Variants in AGR3 observed in about 807,000 individuals in gnomAD.
AGR3 encodes the protein anterior gradient protein 3.
In AGR3, 37 loss-of-function variants were observed where a neutral mutation model predicts 24.5. That is an observed-to-expected ratio of 1.51 (90% CI 1.16 to 1.99). AGR3 has a LOEUF of 1.99. Among genes scored for constraint, AGR3 ranks in the 30% most tolerant of loss-of-function variants. The pLI, the probability that AGR3 is intolerant of heterozygous loss-of-function variation, is 0.00. For synonymous variants in AGR3, 75 were observed against 61.6 expected (o/e 1.22, Z -1.02); for missense variants, 228 against 191.1 (o/e 1.19, Z -1.14).
intron 1 of AGR3, among the ~76,000 whole-genome samples, chr7:16,881,101 G>A (rs1489132143): frequency 6.6e-6 from 1 of 152,156 alleles, no homozygotes; most frequent in Non-Finnish European, 1.5e-5. Flanking sequence ...TCTTTAGAAA[G>A]ATTTTTCTAT....
At chr7:16,881,434 G>A (rs989512603) in intron 1 of AGR3, among the ~76,000 whole-genome samples, 1 of 152,160 alleles carries the variant, frequency 6.6e-6, no homozygotes, top group East Asian at 1.9e-4. Context: ...GGGTCCTTTA[G>A]TATCAGTTGC....
chr7:16,874,700 G>A (rs561615112), intron 2 of AGR3, among the ~76,000 whole-genome samples: 1 of 152,138 alleles, frequency 6.6e-6, no homozygotes, highest in South Asian at 2.1e-4. Context: ...TTAATATCAT[G>A]GTAAATATGA....
chr7:16,869,519 G>C (rs1781824069), intron 3 of AGR3, among the ~76,000 whole-genome samples: 1 of 152,022 alleles, frequency 6.6e-6, no homozygotes, highest in African/African-American at 2.4e-5. Context: ...CTTGAGCTTA[G>C]GAGTTTGAGA....
chr7:16,879,972 C>G (rs146838544), intron 1 of AGR3, among the ~76,000 whole-genome samples: 7 of 152,042 alleles, frequency 4.6e-5, no homozygotes, highest in African/African-American at 1.7e-4. Context: ...TGCAGCCCCT[C>G]TATGGACTGA....
chr7:16,856,331 A>G (rs1373265563), downstream of AGR3, among the ~76,000 whole-genome samples: 2 of 152,216 alleles, frequency 1.3e-5, no homozygotes, highest in African/African-American at 4.8e-5. Flanking sequence ...ATTTTAGGAA[A>G]ACAAATGGGA....
chr7:16,872,568 T>C (rs904300204), intron 3 of AGR3, among the ~76,000 whole-genome samples: 1 of 152,080 alleles, frequency 6.6e-6, no homozygotes, highest in Non-Finnish European at 1.5e-5. Context: ...ATGGGTAAGA[T>C]TTCAAAAGCA....
At chr7:16,858,327 C>T (rs1434598551), downstream of AGR3, among the ~76,000 whole-genome samples, 2 of 152,000 alleles carry the variant, frequency 1.3e-5, no homozygotes, top group Non-Finnish European at 2.9e-5. Context: ...ATAATTACTC[C>T]CAGCTGATTT....
intron 3 of AGR3, among the ~76,000 whole-genome samples, chr7:16,872,734 G>A (rs954701925): frequency 7.9e-5 from 12 of 151,978 alleles, no homozygotes; most frequent in Non-Finnish European, 1.3e-4. Context: ...GAATATACAA[G>A]GAACTCAAAC....
intron 7 of AGR3, 28 bp downstream of exon 7, chr7:16,860,472 C>A (rs754180445): frequency 6.5e-7 from 1 of 1,546,156 alleles, no homozygotes; most frequent in Non-Finnish European, 8.9e-7. Context: ...GCTATGACCA[C>A]TGTTTGAGAT....
intron 3 of AGR3, chr7:16,864,369 C>G (rs1781708232): frequency 1.5e-6 from 2 of 1,316,480 alleles, no homozygotes; most frequent in African/African-American, 2.9e-5. Context: ...TGGCACTATT[C>G]TGACTCAGAG....
chr7:16,863,379 C>T (rs1370244815), intron 3 of AGR3, among the ~76,000 whole-genome samples: 1 of 152,120 alleles, frequency 6.6e-6, no homozygotes, highest in Non-Finnish European at 1.5e-5. Flanking sequence ...TCCTTTCATT[C>T]TTGCACGTTG....
chr7:16,877,199 G>T (rs995781630), intron 2 of AGR3, among the ~76,000 whole-genome samples: 11 of 147,544 alleles, frequency 7.5e-5, no homozygotes, highest in African/African-American at 2.7e-4. Context: ...TTTAGAATTT[G>T]AAATTATATA....
downstream of AGR3, among the ~76,000 whole-genome samples, chr7:16,856,462 C>T (rs796481384): frequency 3.3e-5 from 5 of 152,214 alleles, no homozygotes; most frequent in African/African-American, 1.2e-4. Flanking sequence ...ATAACCAATA[C>T]ATTTTAGTGT....
intron 7 of AGR3, 35 bp downstream of exon 7, chr7:16,860,465 A>G (rs756574109): frequency 2.4e-5 from 36 of 1,475,242 alleles, no homozygotes; most frequent in African/African-American, 4.2e-5. Flanking sequence ...GGGGTCAGCT[A>G]TGACCACTGT....
intron 3 of AGR3, among the ~76,000 whole-genome samples, chr7:16,872,917 G>C (rs1356045845): frequency 6.6e-6 from 1 of 152,146 alleles, no homozygotes; most frequent in Non-Finnish European, 1.5e-5. Context: ...TCCCACCACA[G>C]TTAGAACTGA....
rs202227730 is a variant in AGR3 at position 16,878,980 on chromosome 7, GT to G, written c.-27-336del. ...CAAGACGAAACTCAAATAAGATCAT[GT>G]TGTTTGATGTCTTGTAAACTATGAA... On this transcript the variant is annotated intron_variant, in intron 1 of 7. Coordinates refer to ENST00000310398, the MANE Select transcript of AGR3 (RefSeq NM_176813.5). Among the ~76,000 whole-genome samples the G allele has an allele frequency of 8.4e-3, 1,278 of 152,284 alleles. 13 individuals carry two copies. The highest frequency in any genetic ancestry group is 0.029 in the African/African-American group (1,220 of 41,566).
chr7:16,856,646 T>A (rs577222202), downstream of AGR3, among the ~76,000 whole-genome samples: 18 of 152,346 alleles, frequency 1.2e-4, no homozygotes, highest in South Asian at 3.5e-3. Flanking sequence ...ATGAAAACTC[T>A]GAAAGCCTGC....
chr7:16,867,996 T>C (rs1340888841), intron 3 of AGR3, among the ~76,000 whole-genome samples: 1 of 152,138 alleles, frequency 6.6e-6, no homozygotes, highest in African/African-American at 2.4e-5. Context: ...TGTAAAAGGG[T>C]TCTCTTTTCT....
chr7:16,881,733 C>T (rs752170719), intron 1 of AGR3, among the ~76,000 whole-genome samples: 33 of 151,644 alleles, frequency 2.2e-4, no homozygotes, highest in African/African-American at 7.2e-4. Context: ...TTGTGGTTGA[C>T]GTCAATTTAT....
Sources: gnomAD v4.1 joint callset for allele counts (sites outside exome capture counted in the v4.1 genomes callset) on GRCh38, gnomAD v4.1.1 for gene constraint, MANE v1.5 for transcripts, NCBI Gene and HGNC (gene_info 2026-07-23, HGNC 2026-07-21) for gene names.